Variants in KCTD8 observed in about 807,000 individuals in gnomAD.
KCTD8 encodes the protein potassium channel tetramerization domain containing 8.
In KCTD8, 27 loss-of-function variants were observed where a neutral mutation model predicts 31.5. That is an observed-to-expected ratio of 0.86 (90% CI 0.63 to 1.18). The LOEUF (loss-of-function observed/expected upper bound fraction) is 1.18. Ranked by LOEUF, KCTD8 falls within the 50% of genes most tolerant of loss-of-function variation. KCTD8 has a pLI of 0.00. For missense variants in KCTD8, 658 were observed against 647.7 expected (o/e 1.02, Z -0.17); for synonymous variants, 290 against 280.0 (o/e 1.04, Z -0.36).
intron 1 of KCTD8, among the ~76,000 whole-genome samples, chr4:44,300,732 A>G (rs1437319683): frequency 6.6e-6 from 1 of 152,052 alleles, no homozygotes; most frequent in African/African-American, 2.4e-5. Flanking sequence ...TTTTATTATT[A>G]TACTTTAAGT....
intron 1 of KCTD8, among the ~76,000 whole-genome samples, chr4:44,206,524 G>T (rs1714311424): frequency 6.6e-6 from 1 of 152,146 alleles, no homozygotes; most frequent in South Asian, 2.1e-4. Flanking sequence ...ATTGATGAGT[G>T]AGAAGGAGAG....
At chr4:44,402,533 T>G (rs1720690759) in intron 1 of KCTD8, among the ~76,000 whole-genome samples, 1 of 152,116 alleles carries the variant, frequency 6.6e-6, no homozygotes, top group Non-Finnish European at 1.5e-5. Flanking sequence ...CTACGTGAAT[T>G]TAGCCAAACC....
chr4:44,332,252 T>C (rs1718606716), intron 1 of KCTD8, among the ~76,000 whole-genome samples: 1 of 151,962 alleles, frequency 6.6e-6, no homozygotes, highest in Admixed American at 6.6e-5. Context: ...TAACCTGTTT[T>C]TCAAATACAG....
intron 1 of KCTD8, among the ~76,000 whole-genome samples, chr4:44,328,486 T>C (rs559677495): frequency 6.6e-6 from 1 of 151,942 alleles, no homozygotes; most frequent in Non-Finnish European, 1.5e-5. Context: ...ACCACATGTA[T>C]CTTTCCCTGG....
At chr4:44,220,053 G>T (rs1358704372) in intron 1 of KCTD8, among the ~76,000 whole-genome samples, 1 of 152,174 alleles carries the variant, frequency 6.6e-6, no homozygotes, top group Non-Finnish European at 1.5e-5. Flanking sequence ...AGCAGGAAAG[G>T]TTAAATGAAC....
At chr4:44,410,059 C>T (rs1036359416) in intron 1 of KCTD8, among the ~76,000 whole-genome samples, 5 of 152,112 alleles carry the variant, frequency 3.3e-5, no homozygotes, top group African/African-American at 1.2e-4. Flanking sequence ...CTATTTTCCG[C>T]AAAAGTATTT....
intron 1 of KCTD8, among the ~76,000 whole-genome samples, chr4:44,244,019 C>A (rs1172632997): frequency 6.6e-6 from 1 of 152,176 alleles, no homozygotes; most frequent in African/African-American, 2.4e-5. Flanking sequence ...CACATCCTGA[C>A]TATTCTCAGG....
chr4:44,361,232 G>GT (rs1174899870), intron 1 of KCTD8, among the ~76,000 whole-genome samples: 2 of 151,982 alleles, frequency 1.3e-5, no homozygotes, highest in Non-Finnish European at 2.9e-5. Flanking sequence ...TGAAAGATCT[G>GT]TATTCTTGTC....
At chr4:44,286,280 C>A (rs939982674) in intron 1 of KCTD8, among the ~76,000 whole-genome samples, 1 of 152,092 alleles carries the variant, frequency 6.6e-6, no homozygotes, top group African/African-American at 2.4e-5. Context: ...ACTTAGATAT[C>A]ATAAATTCAG....
chr4:44,194,781 TTCCCTCCCTCCCTCCC>T (rs1193612494), intron 1 of KCTD8, among the ~76,000 whole-genome samples: 8 of 13,948 alleles, frequency 5.7e-4, no homozygotes, highest in East Asian at 3.0e-3. Context: ...CCCTCCCCCC[TTCCCTCCCTCCCTCCC>T]TCCCTCCCTC....
intron 1 of KCTD8, among the ~76,000 whole-genome samples, chr4:44,410,896 C>T (rs1270250798): frequency 6.6e-6 from 1 of 152,074 alleles, no homozygotes; most frequent in Non-Finnish European, 1.5e-5. Flanking sequence ...ATATTATAAT[C>T]TCCTGAGGTG....
intron 1 of KCTD8, among the ~76,000 whole-genome samples, chr4:44,331,355 A>C (rs1463899145): frequency 6.6e-6 from 1 of 151,884 alleles, no homozygotes; most frequent in East Asian, 1.9e-4. Flanking sequence ...AATGCTAATA[A>C]AAATAAAACT....
chr4:44,337,772 G>C (rs1030069974), intron 1 of KCTD8, among the ~76,000 whole-genome samples: 19 of 151,312 alleles, frequency 1.3e-4, no homozygotes, highest in African/African-American at 4.4e-4. Context: ...CCACATTGTT[G>C]AGTGTGTAAA....
chr4:44,357,802 T>C (rs565505461), intron 1 of KCTD8, among the ~76,000 whole-genome samples: 53 of 152,072 alleles, frequency 3.5e-4, no homozygotes, highest in African/African-American at 1.3e-3. Flanking sequence ...TGCTCTCCTC[T>C]GGTATCATTA....
chr4:44,437,779 A>G (rs1347743831), intron 1 of KCTD8, among the ~76,000 whole-genome samples: 1 of 152,126 alleles, frequency 6.6e-6, no homozygotes, highest in Non-Finnish European at 1.5e-5. Context: ...CTCCCTAAAG[A>G]ACTGAGCTAT....
intron 1 of KCTD8, among the ~76,000 whole-genome samples, chr4:44,384,294 C>A (rs946416118): frequency 6.6e-6 from 1 of 151,838 alleles, no homozygotes; most frequent in Non-Finnish European, 1.5e-5. Context: ...ACCATATGAT[C>A]CAGCAATCCT....
chr4:44,378,340 T>C (rs1158908699), intron 1 of KCTD8, among the ~76,000 whole-genome samples: 2 of 150,538 alleles, frequency 1.3e-5, no homozygotes, highest in Non-Finnish European at 3.0e-5. Context: ...AATAGCATGT[T>C]ATGAGATATA....
chr4:44,213,413 G>A (rs1714552749), intron 1 of KCTD8, among the ~76,000 whole-genome samples: 1 of 152,160 alleles, frequency 6.6e-6, no homozygotes, highest in Non-Finnish European at 1.5e-5. Context: ...ATAAGTGGCA[G>A]GGGTGGCAGT....
At chr4:44,329,147 A>G (rs1280697625) in intron 1 of KCTD8, among the ~76,000 whole-genome samples, 1 of 151,728 alleles carries the variant, frequency 6.6e-6, no homozygotes, top group Non-Finnish European at 1.5e-5. Context: ...CAATACTTCA[A>G]GAATAAATCC....
Sources: allele counts gnomAD v4.1 joint callset (sites outside exome capture counted in the v4.1 genomes callset), GRCh38; gene constraint gnomAD v4.1.1; transcripts MANE v1.5; gene names NCBI Gene and HGNC (gene_info 2026-07-23, HGNC 2026-07-21).